Variants in GLB1L3 observed in about 807,000 individuals in gnomAD.
The protein encoded by GLB1L3 is beta-galactosidase-1-like protein 3.
GLB1L3 carries 89 observed loss-of-function variants against 89.5 expected under a neutral mutation model. The observed-to-expected ratio is 0.99, with a 90% CI of 0.84 to 1.19. The LOEUF is 1.19. Among genes scored for constraint, GLB1L3 ranks in the 50% most tolerant of loss-of-function variants. The pLI, the probability that GLB1L3 is intolerant of heterozygous loss-of-function variation, is 0.00. For synonymous variants in GLB1L3, 314 were observed against 312.3 expected (o/e 1.01, Z -0.06); for missense variants, 812 against 813.3 (o/e 1.00, Z 0.02).
chr11:134,312,535 C>A (rs150974663), intron 14 of GLB1L3, 46 bp downstream of exon 14: 2 of 1,598,248 alleles, frequency 1.3e-6, no homozygotes, highest in Non-Finnish European at 1.7e-6. Context: ...TGCATCACCT[C>A]CCCATGCTGT....
At chr11:134,287,568 G>T (rs142532591) in intron 6 of GLB1L3, among the ~76,000 whole-genome samples, 29 of 152,354 alleles carry the variant, frequency 1.9e-4, no homozygotes, top group African/African-American at 6.7e-4. Flanking sequence ...TCACCCTTCG[G>T]GTTGGAGAGA....
intron 9 of GLB1L3, among the ~76,000 whole-genome samples, chr11:134,296,925 A>G (rs1436856388): frequency 6.6e-6 from 1 of 151,934 alleles, no homozygotes; most frequent in African/African-American, 2.4e-5. Context: ...AATTCCCATC[A>G]GGTCAAGCTA....
intron 9 of GLB1L3, among the ~76,000 whole-genome samples, chr11:134,297,932 C>T (rs927288192): frequency 4.0e-5 from 6 of 150,070 alleles, no homozygotes; most frequent in African/African-American, 7.3e-5. Context: ...TAACCTGACA[C>T]GACTAATCAT....
intron 12 of GLB1L3, 73 bp downstream of exon 12, chr11:134,310,724 A>G (rs1591586237): frequency 2.5e-6 from 3 of 1,177,904 alleles, no homozygotes; most frequent in Non-Finnish European, 3.8e-6. Context: ...AAAGTGAGGA[A>G]GGCGTGGGTC....
intron 9 of GLB1L3, among the ~76,000 whole-genome samples, chr11:134,297,876 A>AAAAAAAAAAAAG (rs1555077361): frequency 1.4e-3 from 158 of 110,850 alleles, no homozygotes; most frequent in Non-Finnish European, 2.1e-3. Flanking sequence ...AAAAAAAAAA[A>AAAAAAAAAAAAG]AAAGAAAGAA....
intron 4 of GLB1L3, among the ~76,000 whole-genome samples, chr11:134,281,697 G>A (rs1368902614): frequency 3.7e-5 from 4 of 106,878 alleles, no homozygotes; most frequent in Admixed American, 2.3e-4. Flanking sequence ...CCTGGGAGCC[G>A]CCCGACTCTG....
chr11:134,311,049 C>G lies in GLB1L3; in HGVS notation c.1181-15C>G, dbSNP rs374348760. 6.2e-7 allele frequency: 1 copy of G among 1,604,066 alleles called. No homozygotes were observed. Among genetic ancestry groups the G allele is most frequent in the Non-Finnish European group, 8.5e-7 (1 of 1,171,342 alleles). On this transcript the variant is annotated splice_polypyrimidine_tract_variant and intron_variant, in intron 12 of 19. Transcript: ENST00000431683. ...TCTCAGGCACTTTTTGCCCTGTGCC[C>G]CATCTCCATTGCAGCAACTCCCCTG...
intron 16 of GLB1L3, 31 bp downstream of exon 16, chr11:134,313,505 G>A (rs1375212647): frequency 5.9e-6 from 9 of 1,532,658 alleles, no homozygotes; most frequent in Non-Finnish European, 7.1e-6. Flanking sequence ...CTCCTCAGTT[G>A]CTCAGAACCG....
At chr11:134,308,561 A>ACCG (rs1942516567) in intron 10 of GLB1L3, among the ~76,000 whole-genome samples, 1 of 135,412 alleles carries the variant, frequency 7.4e-6, no homozygotes. Context: ...CACCATCACC[A>ACCG]CCACCACCAC....
Position 134,310,581 on chromosome 11 carries a change from A to G in GLB1L3, c.1110A>G (p.Ala370=). Residue 370 remains alanine, a synonymous_variant, in exon 12 of 20, where the codon GCA becomes GCG. Transcript: ENST00000431683. ...CCTGGTGTCTTGCAGACTATGATGC[A>G]GTGCTCACGGAGGCTGGAGATTACA... ...SGIVTSYDYD[A]VLTEAGDYTE... 1 of 1,612,716 alleles carries G rather than the reference A, an allele frequency of 6.2e-7. No homozygotes were observed. Among genetic ancestry groups the G allele is most frequent in the Non-Finnish European group, 8.5e-7 (1 of 1,179,210 alleles).
intron 9 of GLB1L3, 88 bp downstream of exon 9, chr11:134,293,297 T>G (rs1042006047): frequency 8.6e-7 from 1 of 1,165,188 alleles, no homozygotes; most frequent in African/African-American, 1.5e-5. Flanking sequence ...GAAAACAGGT[T>G]TGACAAGAAG....
intron 6 of GLB1L3, among the ~76,000 whole-genome samples, chr11:134,284,672 T>A (rs1230916225): frequency 6.6e-6 from 1 of 151,906 alleles, no homozygotes; most frequent in Non-Finnish European, 1.5e-5. Flanking sequence ...GAGATTACAG[T>A]GAGACAAGAT....
At chr11:134,302,368 A>G (rs578059903) in intron 9 of GLB1L3, among the ~76,000 whole-genome samples, 2 of 152,280 alleles carry the variant, frequency 1.3e-5, no homozygotes, top group Admixed American at 1.3e-4. Context: ...AGAATTATAG[A>G]GGTTATATTT....
intron 10 of GLB1L3, among the ~76,000 whole-genome samples, chr11:134,308,500 TA>T (rs1565414137): frequency 6.5e-5 from 1 of 15,452 alleles, no homozygotes. Flanking sequence ...CACCACCAAA[TA>T]CCACCACCAC....
chr11:134,283,131 C>T (rs1294687459), intron 5 of GLB1L3, among the ~76,000 whole-genome samples: 3 of 152,052 alleles, frequency 2.0e-5, no homozygotes, highest in Admixed American at 2.0e-4. Context: ...GGCGCGATCT[C>T]GGCTTGCTGC....
chr11:134,278,765 G>A (rs578258769), intron 3 of GLB1L3, among the ~76,000 whole-genome samples: 1 of 152,328 alleles, frequency 6.6e-6, no homozygotes, highest in Admixed American at 6.5e-5. Context: ...GAAGCTGAGA[G>A]GCAGTAAACT....
At chr11:134,286,851 G>C (rs1941026324) in intron 6 of GLB1L3, among the ~76,000 whole-genome samples, 1 of 151,336 alleles carries the variant, frequency 6.6e-6, no homozygotes, top group South Asian at 2.1e-4. Context: ...ATAATACACA[G>C]AAAACATTTA....
intron 3 of GLB1L3, 123 bp from the exon 4 acceptor site, chr11:134,281,253 TG>T: frequency 9.2e-7 from 1 of 1,084,008 alleles, no homozygotes; most frequent in Non-Finnish European, 1.4e-6. Flanking sequence ...TAATTTCCAC[TG>T]GTAACTTCAA....
intron 8 of GLB1L3, 23 bp downstream of exon 8, chr11:134,292,236 C>T (rs775727137): frequency 6.4e-7 from 1 of 1,558,538 alleles, no homozygotes; most frequent in East Asian, 2.2e-5. Context: ...AGTTAGTTCA[C>T]AGGAGAACAG....
Sources: gnomAD v4.1 joint callset for allele counts (sites outside exome capture counted in the v4.1 genomes callset) on GRCh38, gnomAD v4.1.1 for gene constraint, MANE v1.5 for transcripts, NCBI Gene and HGNC (gene_info 2026-07-23, HGNC 2026-07-21) for gene names.